Variants in DCLK1 observed in about 807,000 individuals in gnomAD.
DCLK1 encodes the protein serine/threonine-protein kinase DCLK1.
DCLK1 carries 16 observed loss-of-function variants against 86.2 expected under a neutral mutation model. The observed-to-expected ratio is 0.19, with a 90% CI of 0.13 to 0.28. The LOEUF (loss-of-function observed/expected upper bound fraction) is 0.28. DCLK1 is among the 10% of genes least tolerant of loss of function. DCLK1 has a pLI of 1.00. For synonymous variants in DCLK1, 369 were observed against 370.5 expected, an observed-to-expected ratio of 1.00 and a Z score of 0.05; for missense variants, 590 against 940.2, an observed-to-expected ratio of 0.63 and a Z score of 4.87.
chr13:35,937,215 C>T lies in DCLK1; in HGVS notation c.823+10143G>A, dbSNP rs192247528. Among the ~76,000 whole-genome samples, 550 of 151,926 alleles carry T rather than the reference C, an allele frequency of 3.6e-3. 3 individuals carry two copies. The highest frequency in any genetic ancestry group is 0.016 in the Admixed American group (246 of 15,250). Reference sequence around the variant, plus strand: ...GTCTCGATCTCCTGACCTCATGATCCGCCCGCCTCAGCCTCCCAAAGTGCT... The same window carrying T: ...GTCTCGATCTCCTGACCTCATGATCTGCCCGCCTCAGCCTCCCAAAGTGCT... On this transcript the variant is annotated intron_variant, in intron 4 of 16. Transcript: ENST00000360631.
intron 3 of DCLK1, among the ~76,000 whole-genome samples, chr13:36,008,218 A>T (rs1224207224): frequency 0.046 from 207 of 4,492 alleles, 1 homozygote; most frequent in African/African-American, 0.12. Flanking sequence ...TATTATTATT[A>T]TTATTATTAT....
At position 35,947,352 on chromosome 13, in the gene DCLK1, C is replaced by A. The variant is rs370450301; in HGVS notation, c.823+6G>T. 42 of 1,609,994 alleles carry A rather than the reference C, an allele frequency of 2.6e-5. No individual in the cohort carries two copies. Among genetic ancestry groups the A allele is most frequent in the Admixed American group, 2.0e-4 (12 of 59,364 alleles). On this transcript the variant is annotated splice_donor_region_variant and intron_variant, in intron 4 of 16. Transcript: ENST00000360631. ...TCCCCTGGTTTTGAACTTTTTTTTTCCTTACCACTTTCATCTAGCAAGAAA... is the reference window on the plus strand; with the variant it reads ...TCCCCTGGTTTTGAACTTTTTTTTTACTTACCACTTTCATCTAGCAAGAAA...
rs1180343696 is a variant in DCLK1, at chr13:35,827,824, A to G, written c.1288-70T>C. ...TGGAGGGCTAACTCAAATGAGTACA[A>G]CTATACTATGTAAGGGTCAAGAGAG... On this transcript the variant is annotated intron_variant, in intron 9 of 16. Transcript: ENST00000360631. The G allele has an allele frequency of 1.0e-5, 16 of 1,574,306 alleles. No individual in the cohort carries two copies. In the East Asian group the frequency reaches 3.4e-4, roughly 33 times the overall value.
chr13:35,983,585 T>C (rs1258231935), intron 3 of DCLK1, among the ~76,000 whole-genome samples: 2 of 152,168 alleles, frequency 1.3e-5, no homozygotes, highest in Non-Finnish European at 2.9e-5. Flanking sequence ...AACCTAATTA[T>C]ACATTTTAAA....
At chr13:36,125,675 C>T (rs1886146075) in intron 2 of DCLK1, 87 bp downstream of exon 2, 7 of 1,513,374 alleles carry the variant, frequency 4.6e-6, no homozygotes, top group Non-Finnish European at 6.2e-6. Context: ...TGTCAACTGT[C>T]AGAGGGCAAA....
chr13:35,809,499 T>C (rs569054443), intron 12 of DCLK1, among the ~76,000 whole-genome samples: 1 of 152,336 alleles, frequency 6.6e-6, no homozygotes, highest in African/African-American at 2.4e-5. Context: ...ACATACATGA[T>C]CGTACTTTGT....
intron 4 of DCLK1, among the ~76,000 whole-genome samples, chr13:35,927,829 G>T (rs1337738271): frequency 6.6e-6 from 1 of 152,124 alleles, no homozygotes; most frequent in African/African-American, 2.4e-5. Flanking sequence ...CCAATCACAG[G>T]GCCTATGACG....
intron 5 of DCLK1, among the ~76,000 whole-genome samples, chr13:35,859,388 GA>G (rs147709813): frequency 0.071 from 10,776 of 152,206 alleles, 466 homozygotes; most frequent in Non-Finnish European, 0.1. Flanking sequence ...TGTTACCCTT[GA>G]ATGAGAAGTG....
chr13:35,906,630 GGAA>G (rs1874704218), intron 4 of DCLK1, among the ~76,000 whole-genome samples: 1 of 152,138 alleles, frequency 6.6e-6, no homozygotes, highest in Non-Finnish European at 1.5e-5. Flanking sequence ...GTTGGTTGGG[GGAA>G]GAAGTTACAG....
In DCLK1 at chr13:36,062,094, TG is replaced by T. The variant is rs547857158; in HGVS notation, c.723+49774del. ...CTGTCATTTTAAAATGTCACCCTTG[TG>T]GGTTTTTATATAAATAAATGTGGGT... On this transcript the variant is annotated intron_variant, in intron 3 of 16. Transcript: ENST00000360631. 4.6e-3 allele frequency among the ~76,000 whole-genome samples: 702 copies of T among 152,286 alleles called. 2 individuals carry two copies. The highest frequency in any genetic ancestry group is 8.0e-3 in the Non-Finnish European group (547 of 68,020).
At chr13:35,937,210 T>G (rs1318178631) in intron 4 of DCLK1, among the ~76,000 whole-genome samples, 1 of 151,744 alleles carries the variant, frequency 6.6e-6, no homozygotes, top group Non-Finnish European at 1.5e-5. Flanking sequence ...CCTGACCTCA[T>G]GATCCGCCCG....
At chr13:36,121,636 A>G (rs1197374017) in intron 2 of DCLK1, among the ~76,000 whole-genome samples, 1 of 152,244 alleles carries the variant, frequency 6.6e-6, no homozygotes, top group Non-Finnish European at 1.5e-5. Context: ...CATCATATAC[A>G]TACCTTTATC....
intron 3 of DCLK1, among the ~76,000 whole-genome samples, chr13:35,976,697 A>ATT: frequency 1.4e-5 from 2 of 146,752 alleles, no homozygotes; most frequent in African/African-American, 5.0e-5. Context: ...CGCCCGGCTA[A>ATT]TTTTTTTTTT....
chr13:35,986,996 C>A (rs888857435), intron 3 of DCLK1, among the ~76,000 whole-genome samples: 1 of 152,168 alleles, frequency 6.6e-6, no homozygotes, highest in Admixed American at 6.5e-5. Flanking sequence ...AGGTTTAATG[C>A]TCTTGTAAAA....
At chr13:36,119,454 T>C (rs1449481846) in intron 2 of DCLK1, among the ~76,000 whole-genome samples, 1 of 152,158 alleles carries the variant, frequency 6.6e-6, no homozygotes, top group Non-Finnish European at 1.5e-5. Context: ...AAACAAGATA[T>C]TTACACAGCA....
intron 3 of DCLK1, among the ~76,000 whole-genome samples, chr13:35,980,788 T>TCC (rs778971412): frequency 1.2e-4 from 19 of 152,166 alleles, no homozygotes; most frequent in Non-Finnish European, 2.6e-4. Context: ...TGCTGTCACC[T>TCC]CTTGCTGTGC....
At chr13:35,807,585 GATAGTACAGCA>G (rs1435648917) in intron 14 of DCLK1, among the ~76,000 whole-genome samples, 1 of 152,214 alleles carries the variant, frequency 6.6e-6, no homozygotes, top group African/African-American at 2.4e-5. Context: ...TTTAGGCAGG[GATAGTACAGCA>G]ATGGACAAAA....
At chr13:35,852,971 A>G (rs1369830479) in intron 6 of DCLK1, among the ~76,000 whole-genome samples, 1 of 152,240 alleles carries the variant, frequency 6.6e-6, no homozygotes, top group Non-Finnish European at 1.5e-5. Context: ...ATACACTCTA[A>G]GAGACAGAAT....
At chr13:35,995,238 A>G (rs1880417558) in intron 3 of DCLK1, among the ~76,000 whole-genome samples, 1 of 152,186 alleles carries the variant, frequency 6.6e-6, no homozygotes, top group African/African-American at 2.4e-5. Context: ...CTTTTCCAAT[A>G]TCATATTGTA....
Sources: allele counts gnomAD v4.1 joint callset (sites outside exome capture counted in the v4.1 genomes callset), GRCh38; gene constraint gnomAD v4.1.1; transcripts MANE v1.5; gene names NCBI Gene and HGNC (gene_info 2026-07-23, HGNC 2026-07-21).